Variants in FNIP1 observed in about 807,000 individuals in gnomAD.
The protein encoded by FNIP1 is folliculin interacting protein 1.
Under a neutral mutation model 124.5 loss-of-function variants are expected in FNIP1, and 40 were observed. That is an observed-to-expected ratio of 0.32 (90% CI 0.25 to 0.42). FNIP1 has a LOEUF of 0.42. FNIP1 is among the 10% of genes least tolerant of loss of function. The pLI is 1.00. For missense variants in FNIP1, 1,176 were observed against 1,403.7 expected (o/e 0.84, Z 2.59); for synonymous variants, 472 against 470.6 (o/e 1.00, Z -0.04).
intron 10 of FNIP1, among the ~76,000 whole-genome samples, chr5:131,701,815 T>C (rs1052392435): frequency 2.6e-5 from 4 of 152,332 alleles, no homozygotes; most frequent in African/African-American, 2.4e-5. Flanking sequence ...CTCCCCAAAG[T>C]ACAACTTGCA....
chr5:131,699,104 A>G, intron 10 of FNIP1, 102 bp from the exon 11 acceptor site: 1 of 722,706 alleles, frequency 1.4e-6, no homozygotes, highest in Non-Finnish European at 2.1e-6. Flanking sequence ...ACAACGCTCT[A>G]TCAAAATTCT....
At chr5:131,705,372 C>T (rs558005349) in intron 9 of FNIP1, among the ~76,000 whole-genome samples, 7 of 151,940 alleles carry the variant, frequency 4.6e-5, no homozygotes, top group East Asian at 1.9e-4. Flanking sequence ...ATTTGAGAGG[C>T]TGAGGTGGAA....
At chr5:131,788,427 G>A (rs921572092) in intron 1 of FNIP1, among the ~76,000 whole-genome samples, 2 of 152,160 alleles carry the variant, frequency 1.3e-5, no homozygotes, top group Non-Finnish European at 2.9e-5. Context: ...CCAGCACTGT[G>A]GGAGGCCAAG....
intron 1 of FNIP1, among the ~76,000 whole-genome samples, chr5:131,752,604 A>C (rs966353225): frequency 2.0e-5 from 3 of 152,130 alleles, no homozygotes; most frequent in African/African-American, 7.2e-5. Context: ...TATCTGATAA[A>C]AACTTATAAA....
rs1767786457 is a variant in FNIP1, at chr5:131,672,392, T to C, written c.2052A>G (p.Thr684=). The part of the protein sequence containing the change: ...FDAKLETVVC[T]GSVPVDKCAL... ...CACATTTGTCTACTGGAACAGATCC[T>C]GTGCAAACAACTGTCTCTAACTTGG... The change falls in exon 14 of 18, where the codon ACA becomes ACG. Residue 684 remains threonine, a synonymous_variant. Coordinates refer to ENST00000510461, the MANE Select transcript of FNIP1 (RefSeq NM_133372.3). The C allele has an allele frequency of 1.9e-6, 3 of 1,614,156 alleles. No homozygotes were observed. The highest frequency in any genetic ancestry group is 2.2e-5 in the South Asian group (2 of 91,088).
chr5:131,681,762 T>TAAAA (rs34881164), intron 11 of FNIP1, among the ~76,000 whole-genome samples: 3 of 109,412 alleles, frequency 2.7e-5, no homozygotes, highest in African/African-American at 1.1e-4. Flanking sequence ...TGCCAATTTC[T>TAAAA]AAAAAAAAAA....
intron 15 of FNIP1, among the ~76,000 whole-genome samples, chr5:131,665,009 A>G (rs1360382199): frequency 1.3e-5 from 2 of 151,738 alleles, no homozygotes; most frequent in Non-Finnish European, 2.9e-5. Flanking sequence ...AGATATACAC[A>G]AGCATATCAT....
At chr5:131,701,010 C>T (rs1580767395) in intron 10 of FNIP1, among the ~76,000 whole-genome samples, 6 of 152,292 alleles carry the variant, frequency 3.9e-5, no homozygotes, top group Admixed American at 3.9e-4. Context: ...AGCCTCTGGG[C>T]CGTGGACCAG....
intron 15 of FNIP1, among the ~76,000 whole-genome samples, chr5:131,661,096 T>C (rs757342688): frequency 6.6e-6 from 1 of 152,124 alleles, no homozygotes; most frequent in Non-Finnish European, 1.5e-5. Context: ...AGAGTCTTGG[T>C]TGGGGAGACT....
chr5:131,690,417 G>A (rs1447640584), intron 11 of FNIP1, among the ~76,000 whole-genome samples: 1 of 152,134 alleles, frequency 6.6e-6, no homozygotes, highest in Non-Finnish European at 1.5e-5. Context: ...TCAAGACCAT[G>A]TGGAGGTATT....
At chr5:131,713,720 CAG>C (rs1473626036) in intron 6 of FNIP1, among the ~76,000 whole-genome samples, 1 of 152,132 alleles carries the variant, frequency 6.6e-6, no homozygotes, top group African/African-American at 2.4e-5. Flanking sequence ...ATTAAACAGC[CAG>C]CAAAGTGCCA....
chr5:131,670,366 T>C, intron 15 of FNIP1, 97 bp downstream of exon 15: 1 of 990,794 alleles, frequency 1.0e-6, no homozygotes. Flanking sequence ...AATGATTGTG[T>C]TGTAAAAAGT....
chr5:131,693,333 C>CACATATAT (rs1290529554), intron 11 of FNIP1, among the ~76,000 whole-genome samples: 31 of 50,154 alleles, frequency 6.2e-4, no homozygotes, highest in African/African-American at 1.9e-3. Flanking sequence ...TATATATATA[C>CACATATAT]ATATATATAT....
At chr5:131,733,872 T>C (rs1167122133) in intron 2 of FNIP1, among the ~76,000 whole-genome samples, 2 of 152,334 alleles carry the variant, frequency 1.3e-5, no homozygotes, top group Admixed American at 1.3e-4. Flanking sequence ...TTCCCTCTTT[T>C]TCTATTGATT....
chr5:131,700,468 A>G (rs758120787), intron 10 of FNIP1, among the ~76,000 whole-genome samples: 1 of 152,234 alleles, frequency 6.6e-6, no homozygotes, highest in Non-Finnish European at 1.5e-5. Context: ...TAAAAAAATA[A>G]TTAAGATGTC....
Position 131,710,603 on chromosome 5 carries a change from C to G in FNIP1, c.681G>C (p.Leu227=). Residue 227 remains leucine, a synonymous_variant, in exon 7 of 18, where the codon CTG becomes CTC. Coordinates refer to ENST00000510461, the MANE Select transcript of FNIP1 (RefSeq NM_133372.3). Reference sequence around the variant, plus strand: ...CTGCAAAGAAAGAGGCGCTCCTGATCAGGCGGAGCGGACCCTGCTCAGAGA... The same window carrying G: ...CTGCAAAGAAAGAGGCGCTCCTGATGAGGCGGAGCGGACCCTGCTCAGAGA... The part of the protein sequence containing the change: ...RAFSEQGPLR[L]IRSASFFAVH... The G allele has an allele frequency of 6.2e-7, 1 of 1,613,872 alleles. No individual in the cohort carries two copies. Among genetic ancestry groups the G allele is most frequent in the East Asian group, 2.2e-5 (1 of 44,872 alleles).
intron 15 of FNIP1, among the ~76,000 whole-genome samples, chr5:131,665,018 A>T (rs31587): frequency 0.78 from 118,606 of 151,404 alleles, 46,673 homozygotes; most frequent in Middle Eastern, 0.83. Flanking sequence ...CAAGCATATC[A>T]TTTTATATAT....
At chr5:131,752,998 G>A (rs1055928602) in intron 1 of FNIP1, among the ~76,000 whole-genome samples, 4 of 152,342 alleles carry the variant, frequency 2.6e-5, no homozygotes, top group African/African-American at 4.8e-5. Context: ...CTTGAACTCG[G>A]GAGGTGGAGG....
intron 15 of FNIP1, among the ~76,000 whole-genome samples, chr5:131,663,338 A>G (rs1767502664): frequency 6.6e-6 from 1 of 152,174 alleles, no homozygotes; most frequent in Non-Finnish European, 1.5e-5. Context: ...AAAGCTTCTC[A>G]GTCAATGGAA....
Sources: gnomAD v4.1 joint callset for allele counts (sites outside exome capture counted in the v4.1 genomes callset) on GRCh38, gnomAD v4.1.1 for gene constraint, MANE v1.5 for transcripts, NCBI Gene and HGNC (gene_info 2026-07-23, HGNC 2026-07-21) for gene names.